The following COL20A1 variants were observed in gnomAD, a reference collection of about 807,000 sequenced individuals.
The protein encoded by COL20A1 is collagen type XX alpha 1 chain.
COL20A1 carries 164 observed loss-of-function variants against 152.9 expected under a neutral mutation model. That is an observed-to-expected ratio of 1.07 (90% confidence interval 0.94 to 1.22). The LOEUF (loss-of-function observed/expected upper bound fraction) is 1.22. Among genes scored for constraint, COL20A1 ranks in the 50% most tolerant of loss-of-function variants. The pLI, the probability that COL20A1 is intolerant of heterozygous loss-of-function variation, is 0.00. For missense variants in COL20A1, 1,873 were observed against 1,744.8 expected, an observed-to-expected ratio of 1.07 and a Z score of -1.31; for synonymous variants, 864 against 756.0, an observed-to-expected ratio of 1.14 and a Z score of -2.34.
intron 3 of COL20A1, among the ~76,000 whole-genome samples, chr20:63,298,278 G>T (rs1020413286): frequency 7.2e-5 from 11 of 152,164 alleles, no homozygotes; most frequent in Admixed American, 2.6e-4. Flanking sequence ...TAATTTTTTT[G>T]ATTTTTAATT....
chr20:63,308,235 C>T (rs1327506055), intron 7 of COL20A1, 145 bp downstream of exon 7: 4 of 1,019,750 alleles, frequency 3.9e-6, no homozygotes, highest in Non-Finnish European at 4.2e-6. Context: ...GGCAGAGTCA[C>T]CCCCTTGTTT....
chr20:63,321,197 C>CATGCCCCCGTCCT (rs2068158171), intron 26 of COL20A1, 98 bp downstream of exon 26: 1 of 729,722 alleles, frequency 1.4e-6, no homozygotes, highest in East Asian at 2.7e-5. Context: ...CGCCCCGGTC[C>CATGCCCCCGTCCT]ATGCCCCCGT....
chr20:63,301,263 C>T (rs556571210), intron 3 of COL20A1, among the ~76,000 whole-genome samples: 12 of 152,152 alleles, frequency 7.9e-5, no homozygotes, highest in East Asian at 1.9e-4. Context: ...TGCAGTGAGC[C>T]GAGATGGCAC....
intron 6 of COL20A1, 37 bp from the exon 7 acceptor site, chr20:63,307,934 T>C (rs1436730797): frequency 6.2e-7 from 1 of 1,607,924 alleles, no homozygotes; most frequent in Non-Finnish European, 8.5e-7. Context: ...ATCTCAGCAT[T>C]GGAAACTCAG....
At chr20:63,308,137 T>A (rs751509332) in intron 7 of COL20A1, 47 bp downstream of exon 7, 1 of 1,582,746 alleles carries the variant, frequency 6.3e-7, no homozygotes, top group Non-Finnish European at 8.5e-7. Context: ...GCGGACCTCC[T>A]TCTGCCGCCC....
chr20:63,319,506 C>G lies in COL20A1; in HGVS notation c.2826C>G (p.Thr942=). Residue 942 remains threonine, a synonymous_variant, in exon 23 of 36, where the codon ACC becomes ACG. Transcript: ENST00000358894. The surrounding 1 kb of genome is among the most constrained non-coding windows in gnomAD (Gnocchi z 4.4). ...VLLDAGKKSL[T]YFHRDPRAAL... Reference sequence around the variant, plus strand: ...TGGCAGCCGGGAAGAAGTCCCTGACCTACTTCCACCGTGACCCCAGGGCTG... The same window carrying G: ...TGGCAGCCGGGAAGAAGTCCCTGACGTACTTCCACCGTGACCCCAGGGCTG... The G allele has an allele frequency of 1.3e-6, 2 of 1,587,040 alleles. No individual in the cohort carries two copies. Among genetic ancestry groups the G allele is most frequent in the East Asian group, 2.3e-5 (1 of 43,348 alleles).
In COL20A1 at chr20:63,325,699, G is replaced by C. The variant is rs1251791862; in HGVS notation, c.3380G>C (p.Arg1127Thr). ...GHPGHQGIPG[R>T]VGLQGPKGMR... ...CCCGGCCACCAGGGCATCCCCGGGA[G>C]AGTTGGCCTCCAGGGACCAAAGGTG... The change falls in exon 29 of 36, where the codon AGA (arginine) becomes ACA (threonine). Residue 1127 changes from arginine (R) to threonine (T), a missense_variant. Coordinates refer to ENST00000358894, the MANE Select transcript of COL20A1 (RefSeq NM_020882.4). The C allele has an allele frequency of 1.9e-6, 3 of 1,611,954 alleles. No individual in the cohort carries two copies. The highest frequency in any genetic ancestry group is 2.5e-6 in the Non-Finnish European group (3 of 1,179,604).
chr20:63,316,475 C>T (rs1335315475), intron 20 of COL20A1, 78 bp from the exon 21 acceptor site: 4 of 1,071,008 alleles, frequency 3.7e-6, no homozygotes, highest in South Asian at 2.9e-5. Flanking sequence ...CCTCTTGAGT[C>T]CCCGCTCCTG....
intron 2 of COL20A1, among the ~76,000 whole-genome samples, chr20:63,296,103 G>A (rs946636520): frequency 2.0e-5 from 3 of 152,254 alleles, no homozygotes; most frequent in Non-Finnish European, 4.4e-5. Flanking sequence ...GCGTGGAGCC[G>A]CCTGTTGAGA....
At position 63,307,493 on chromosome 20, in the gene COL20A1, GCCCCCAGTTCCGC is replaced by G; in HGVS notation, c.501_513del (p.Pro168AlafsTer47). Reference sequence around the variant, plus strand: ...TGACCCGCTCCCACCGCCCCAGCCGGCCCCCAGTTCCGCTGCCTGCCCCCCGTGCCTGCTGACA... The same window carrying G: ...TGACCCGCTCCCACCGCCCCAGCCGGTGCCTGCCCCCCGTGCCTGCTGACA... On this transcript the variant is annotated frameshift_variant, in exon 6 of 36. Transcript: ENST00000358894. LOFTEE classifies it high-confidence loss of function. 1 of 1,611,042 alleles carries G rather than the reference GCCCCCAGTTCCGC, an allele frequency of 6.2e-7. No homozygotes were observed. Among genetic ancestry groups the G allele is most frequent in the Non-Finnish European group, 8.5e-7 (1 of 1,179,228 alleles).
At chr20:63,323,171 T>G (rs187680437) in intron 27 of COL20A1, among the ~76,000 whole-genome samples, 166 of 152,406 alleles carry the variant, frequency 1.1e-3, no homozygotes, top group African/African-American at 3.9e-3. Flanking sequence ...GCCAATATTT[T>G]CTTGCTGGAG....
chr20:63,297,679 G>T (rs548196459), intron 2 of COL20A1, among the ~76,000 whole-genome samples: 81 of 152,336 alleles, frequency 5.3e-4, no homozygotes, highest in African/African-American at 1.8e-3. Flanking sequence ...CCCTGTGACT[G>T]CGGACCCCGG....
chr20:63,312,195 G>T, intron 14 of COL20A1, 140 bp downstream of exon 14: 2 of 1,170,900 alleles, frequency 1.7e-6, no homozygotes, highest in East Asian at 5.2e-5. Flanking sequence ...CACCTGGTGT[G>T]GGGGCAGATG....
rs145153884 is a variant in COL20A1 at position 63,322,824 on chromosome 20, C to T, written c.3294+713C>T. Among the ~76,000 whole-genome samples, 684 of 152,388 alleles carry T rather than the reference C, an allele frequency of 4.5e-3. 6 individuals carry two copies. The highest frequency in any genetic ancestry group is 0.016 in the African/African-American group (665 of 41,598). The stretch of plus-strand genomic sequence containing the variant: ...CCCCCGGCAGCCTTCCAGCGAGTTC[C>T]ACATCCCCGTGAGCAAAGACGTGCG... On this transcript the variant is annotated intron_variant, in intron 27 of 35. Coordinates refer to ENST00000358894, the MANE Select transcript of COL20A1 (RefSeq NM_020882.4).
At position 63,320,331 on chromosome 20, in the gene COL20A1, G is replaced by A; in HGVS notation, c.3116G>A (p.Trp1039Ter). 1 of 1,611,242 alleles carries A rather than the reference G, an allele frequency of 6.2e-7. No individual in the cohort carries two copies. ...QMLQIVCSDTWADEDRCCELP... is the reference protein window; with the variant it reads ...QMLQIVCSDT ...CTGCAGATCGTGTGCAGTGACACCT[G>A]GGCCGATGAGGACCGGTGCTGTGAG... Residue 1039 changes from tryptophan to a stop codon, truncating the protein, a stop_gained, in exon 25 of 36, where the codon TGG becomes TAG. Coordinates refer to ENST00000358894, the MANE Select transcript of COL20A1 (RefSeq NM_020882.4). LOFTEE classifies it high-confidence loss of function.
chr20:63,305,860 G>C lies in COL20A1; in HGVS notation c.338-21G>C. 1 of 1,612,368 alleles carries C rather than the reference G, an allele frequency of 6.2e-7. No homozygotes were observed. Among genetic ancestry groups the C allele is most frequent in the Non-Finnish European group, 8.5e-7 (1 of 1,179,376 alleles). ...CAGGCCCTCCACTCCCACCCTGATG[G>C]CTCTTTGTGTCTCCCTGCAGTTGAG... is the stretch of plus-strand genomic sequence containing the variant. On this transcript the variant is annotated intron_variant, in intron 4 of 35. Transcript: ENST00000358894. The surrounding 1 kb of genome is among the most constrained non-coding windows in gnomAD (Gnocchi z 4.9).
chr20:63,316,689 C>G lies in COL20A1; in HGVS notation c.2661C>G (p.Val887=), dbSNP rs1284864613. Residue 887 remains valine (V), a splice_region_variant and synonymous_variant, in exon 21 of 36, where the codon GTC becomes GTG. Transcript: ENST00000358894. ...AGGACGCCCAGCTGACAAGACGGGT[C>G]AGGTGTGAGGGCAAGGGCTGGGGTG... ...LFKDAQLTRR[V]SDVYPAPLPP... 1 of 1,558,110 alleles carries G rather than the reference C, an allele frequency of 6.4e-7. No individual in the cohort carries two copies. Among genetic ancestry groups the G allele is most frequent in the Admixed American group, 1.9e-5 (1 of 52,042 alleles).
intron 27 of COL20A1, 27 bp from the exon 28 acceptor site, chr20:63,325,414 G>A (rs764192339): frequency 4.4e-6 from 7 of 1,587,344 alleles, no homozygotes; most frequent in East Asian, 2.2e-5. Context: ...CCTCCGCTTC[G>A]CTGTCCAGCC....
rs1413395268 is a variant in COL20A1 at position 63,313,736 on chromosome 20, C to T, written c.2210-7C>T. 5.1e-6 allele frequency: 8 copies of T among 1,573,266 alleles called. No individual in the cohort carries two copies. The highest frequency in any genetic ancestry group is 1.2e-5 in the South Asian group (1 of 84,386). On this transcript the variant is annotated splice_region_variant and splice_polypyrimidine_tract_variant and intron_variant, in intron 17 of 35. Transcript: ENST00000358894. This position sits in a 1 kb window ranked among gnomAD's most constrained non-coding sequence, Gnocchi z 5.9. Reference sequence around the variant, plus strand: ...CTGAGCCCCACACAACCCATGCTCTCGGCCAGCCACGGTGAGCAGGAGCCC... The same window carrying T: ...CTGAGCCCCACACAACCCATGCTCTTGGCCAGCCACGGTGAGCAGGAGCCC...
Sources: allele counts gnomAD v4.1 joint callset (sites outside exome capture counted in the v4.1 genomes callset), GRCh38; gene constraint gnomAD v4.1.1; non-coding constraint Gnocchi (gnomAD v3.1); transcripts MANE v1.5; gene names NCBI Gene and HGNC (gene_info 2026-07-23, HGNC 2026-07-21).